Variants in CCDC15 observed in about 807,000 individuals in gnomAD.
CCDC15 encodes coiled-coil domain-containing protein 15.
A neutral mutation model predicts 114.5 loss-of-function variants in CCDC15; 105 were observed. That is an observed-to-expected ratio of 0.92 (90% confidence interval 0.78 to 1.08). CCDC15 has a LOEUF of 1.08. Ranked by LOEUF, CCDC15 falls within the 50% of genes least tolerant of loss-of-function variation. The pLI, the probability that CCDC15 is intolerant of heterozygous loss-of-function variation, is 0.00. For synonymous variants in CCDC15, 334 were observed against 377.8 expected, an observed-to-expected ratio of 0.88 and a Z score of 1.34; for missense variants, 1,105 against 1,093.6, an observed-to-expected ratio of 1.01 and a Z score of -0.15.
intron 13 of CCDC15, among the ~76,000 whole-genome samples, chr11:125,036,842 A>G (rs571669669): frequency 7.9e-5 from 12 of 152,144 alleles, no homozygotes; most frequent in Admixed American, 1.3e-4. Flanking sequence ...CAATCTCTTT[A>G]TTAAATTTAT....
At chr11:124,992,436 AC>A (rs1341241173) in intron 9 of CCDC15, 143 bp from the exon 10 acceptor site, 1 of 596,860 alleles carries the variant, frequency 1.7e-6, no homozygotes, top group Non-Finnish European at 3.0e-6. Context: ...TAAAAGTGTA[AC>A]ATCTCCCTCA....
At chr11:125,031,243 T>C (rs2135541395) in intron 13 of CCDC15, among the ~76,000 whole-genome samples, 1 of 152,316 alleles carries the variant, frequency 6.6e-6, no homozygotes, top group South Asian at 2.1e-4. Flanking sequence ...GATGCCTGCA[T>C]ATCGTGCAGA....
At chr11:125,000,107 C>T (rs1308044365) in intron 11 of CCDC15, among the ~76,000 whole-genome samples, 1 of 152,052 alleles carries the variant, frequency 6.6e-6, no homozygotes, top group Non-Finnish European at 1.5e-5. Flanking sequence ...AAGTAATCCA[C>T]CCGCCTTGGC....
chr11:124,970,372 C>T (rs1205054673), intron 4 of CCDC15, among the ~76,000 whole-genome samples: 1 of 152,160 alleles, frequency 6.6e-6, no homozygotes, highest in Non-Finnish European at 1.5e-5. Flanking sequence ...TAATGCAACT[C>T]GCTGCATTGC....
chr11:124,986,700 T>TGTGTGTGTGTGTGTGA, intron 6 of CCDC15, 42 bp from the exon 7 acceptor site: 3 of 1,351,570 alleles, frequency 2.2e-6, no homozygotes, highest in Non-Finnish European at 3.0e-6. Context: ...TTTGTGTGTG[T>TGTGTGTGTGTGTGTGA]GCGCGCGCGC....
chr11:124,954,991 A>G, intron 2 of CCDC15, 82 bp downstream of exon 2: 1 of 1,242,582 alleles, frequency 8.0e-7, no homozygotes, highest in Non-Finnish European at 1.1e-6. Flanking sequence ...GTGCTTAAAG[A>G]TGAACAGTCC....
chr11:124,982,953 T>A (rs1948096090), intron 6 of CCDC15, among the ~76,000 whole-genome samples: 1 of 152,216 alleles, frequency 6.6e-6, no homozygotes, highest in Non-Finnish European at 1.5e-5. Flanking sequence ...TTGGTCTTTT[T>A]ATATACTTCC....
chr11:124,984,869 C>A (rs1348489151), intron 6 of CCDC15, among the ~76,000 whole-genome samples: 1 of 152,140 alleles, frequency 6.6e-6, no homozygotes, highest in African/African-American at 2.4e-5. Flanking sequence ...CTCCAGAGAT[C>A]TGCTAAGAGT....
chr11:125,040,498 T>C, intron 15 of CCDC15, 92 bp from the exon 16 acceptor site: 1 of 1,163,498 alleles, frequency 8.6e-7, no homozygotes, highest in Non-Finnish European at 1.2e-6. Flanking sequence ...CTTGTAAGAC[T>C]CTTGGTAGAG....
At chr11:124,984,775 C>T (rs1382196665) in intron 6 of CCDC15, among the ~76,000 whole-genome samples, 1 of 152,112 alleles carries the variant, frequency 6.6e-6, no homozygotes, top group African/African-American at 2.4e-5. Context: ...TCCTGGTGCA[C>T]GGTAGCCCTC....
chr11:124,984,262 C>T (rs145417566), intron 6 of CCDC15, among the ~76,000 whole-genome samples: 244 of 152,210 alleles, frequency 1.6e-3, no homozygotes, highest in African/African-American at 5.5e-3. Context: ...AGGGCATAGG[C>T]AGGCTCATGC....
intron 6 of CCDC15, among the ~76,000 whole-genome samples, chr11:124,986,145 T>A (rs188950711): frequency 5.3e-5 from 8 of 152,208 alleles, no homozygotes; most frequent in African/African-American, 1.9e-4. Flanking sequence ...CTTGGTACTC[T>A]TGTCAAAAAT....
chr11:124,976,461 G>A (rs1050778599), intron 5 of CCDC15, among the ~76,000 whole-genome samples: 1 of 152,002 alleles, frequency 6.6e-6, no homozygotes, highest in Admixed American at 6.6e-5. Context: ...TTCTAGCATT[G>A]CCTTGTGGCT....
intron 12 of CCDC15, among the ~76,000 whole-genome samples, chr11:125,004,584 C>T (rs1367972818): frequency 4.6e-5 from 7 of 151,902 alleles, no homozygotes; most frequent in Non-Finnish European, 1.0e-4. Context: ...ATATATAAAT[C>T]CAGAGGAATG....
intron 13 of CCDC15, among the ~76,000 whole-genome samples, chr11:125,018,428 A>AT (rs1948641752): frequency 1.3e-5 from 2 of 151,304 alleles, no homozygotes; most frequent in South Asian, 2.1e-4. Context: ...ACAAAGATGA[A>AT]TTTTTTTAAA....
chr11:124,991,435 T>C, intron 8 of CCDC15, 26 bp from the exon 9 acceptor site: 1 of 1,438,348 alleles, frequency 7.0e-7, no homozygotes, highest in Non-Finnish European at 9.4e-7. Context: ...AGACAATTTA[T>C]AGTTTTTTAT....
chr11:125,018,995 T>C (rs1948645717), intron 13 of CCDC15, among the ~76,000 whole-genome samples: 1 of 151,920 alleles, frequency 6.6e-6, no homozygotes, highest in Admixed American at 6.6e-5. Context: ...CACCTCTGAA[T>C]TTGATGTGAT....
chr11:124,957,312 G>A (rs536930255), intron 2 of CCDC15, among the ~76,000 whole-genome samples: 2 of 152,312 alleles, frequency 1.3e-5, no homozygotes, highest in Admixed American at 6.5e-5. Context: ...CTGCTGGGCT[G>A]TAATGTCCAA....
chr11:124,987,918 C>T lies in CCDC15; in HGVS notation c.1692C>T (p.Pro564=), dbSNP rs1420059306. Residue 564 remains proline (P), a synonymous_variant, in exon 8 of 16, where the codon CCC becomes CCT. Transcript: ENST00000344762. ...LPKCQDQDFL[P]RDQGVLPKDQ... is the part of the protein sequence containing the mutation. ...AATGTCAGGACCAGGATTTTCTACC[C>T]AGAGACCAAGGTGTTCTTCCCAAAG... 1 of 1,613,632 alleles carries T rather than the reference C, an allele frequency of 6.2e-7. No individual in the cohort carries two copies. Among genetic ancestry groups the T allele is most frequent in the African/African-American group, 1.3e-5 (1 of 74,826 alleles).
Sources: allele counts gnomAD v4.1 joint callset (sites outside exome capture counted in the v4.1 genomes callset), GRCh38; gene constraint gnomAD v4.1.1; transcripts MANE v1.5; gene names NCBI Gene and HGNC (gene_info 2026-07-23, HGNC 2026-07-21).